Variants in GALNT2 observed in about 807,000 individuals in gnomAD.
GALNT2 encodes polypeptide N-acetylgalactosaminyltransferase 2, also known as UDP-GalNAc:polypeptide N-acetylgalactosaminyltransferase 2.
Under a neutral mutation model 81.4 loss-of-function variants are expected in GALNT2, and 31 were observed. The ratio of observed to expected loss-of-function variants is 0.38; its 90% CI spans 0.29 to 0.51. The LOEUF (loss-of-function observed/expected upper bound fraction) is 0.51, where lower values mean the gene tolerates loss of function less well. GALNT2 is among the 20% of genes least tolerant of loss of function. GALNT2 has a pLI of 0.87. For synonymous variants in GALNT2, 303 were observed against 287.4 expected, an observed-to-expected ratio of 1.05 and a Z score of -0.55; for missense variants, 629 against 765.7, an observed-to-expected ratio of 0.82 and a Z score of 2.11.
chr1:230,255,121 G>T (rs1665667366), intron 10 of GALNT2, 97 bp from the exon 11 acceptor site: 1 of 1,555,906 alleles, frequency 6.4e-7, no homozygotes, highest in East Asian at 2.3e-5. Flanking sequence ...CCCATGATGG[G>T]ATGGTCAGGG....
At chr1:230,072,347 G>A (rs145139414) in intron 1 of GALNT2, among the ~76,000 whole-genome samples, 69 of 149,356 alleles carry the variant, frequency 4.6e-4, no homozygotes, top group African/African-American at 1.7e-3. Context: ...CTTAGTGAAA[G>A]CAGGTGTGGT....
chr1:230,262,734 C>T (rs1019533400), intron 12 of GALNT2, 69 bp downstream of exon 12: 2 of 1,454,086 alleles, frequency 1.4e-6, no homozygotes, highest in African/African-American at 1.4e-5. Context: ...AGGTAAGGGG[C>T]TGCCCCCAGC....
At chr1:230,213,899 C>A (rs1664307237) in intron 3 of GALNT2, among the ~76,000 whole-genome samples, 1 of 152,094 alleles carries the variant, frequency 6.6e-6, no homozygotes, top group African/African-American at 2.4e-5. Flanking sequence ...TTAATTCTTT[C>A]TTTATAAACT....
At chr1:230,134,999 T>C (rs1407889447) in intron 1 of GALNT2, among the ~76,000 whole-genome samples, 2 of 152,252 alleles carry the variant, frequency 1.3e-5, no homozygotes, top group African/African-American at 2.4e-5. Flanking sequence ...AGAGGAAGTA[T>C]CTGAGAGTGT....
At chr1:230,190,513 T>C (rs763521936) in intron 2 of GALNT2, among the ~76,000 whole-genome samples, 7 of 152,208 alleles carry the variant, frequency 4.6e-5, no homozygotes, top group Non-Finnish European at 8.8e-5. Flanking sequence ...CTATGAAAAT[T>C]CAGGTCATCC....
At chr1:230,161,146 C>T (rs1259607788) in intron 1 of GALNT2, among the ~76,000 whole-genome samples, 4 of 152,204 alleles carry the variant, frequency 2.6e-5, no homozygotes, top group Non-Finnish European at 4.4e-5. Context: ...ACTGTCTGGG[C>T]GGTCCTTTTG....
chr1:230,250,658 C>T, intron 10 of GALNT2, 98 bp downstream of exon 10: 1 of 754,184 alleles, frequency 1.3e-6, no homozygotes, highest in South Asian at 1.9e-5. Flanking sequence ...TTCAGAGTGA[C>T]CATTCACTGG....
upstream of GALNT2, among the ~76,000 whole-genome samples, chr1:230,064,680 T>A (rs572557604): frequency 4.6e-5 from 7 of 152,068 alleles, no homozygotes; most frequent in Non-Finnish European, 1.0e-4. Flanking sequence ...GCCGGCTAAG[T>A]TTCATATTTT....
intron 1 of GALNT2, among the ~76,000 whole-genome samples, chr1:230,078,168 C>T (rs1228014160): frequency 2.6e-5 from 4 of 152,142 alleles, no homozygotes; most frequent in African/African-American, 4.8e-5. Flanking sequence ...TTCATATCTG[C>T]GGGTTGCACA....
intron 10 of GALNT2, among the ~76,000 whole-genome samples, chr1:230,252,343 C>A (rs917641253): frequency 6.6e-6 from 1 of 152,150 alleles, no homozygotes; most frequent in Admixed American, 6.5e-5. Flanking sequence ...TTCCCATTTT[C>A]CTAATCATGT....
chr1:230,123,526 C>CACAGCTAAGTTTAA (rs1661087507), intron 1 of GALNT2, among the ~76,000 whole-genome samples: 1 of 152,100 alleles, frequency 6.6e-6, no homozygotes, highest in Non-Finnish European at 1.5e-5. Flanking sequence ...GTGTTGCCCG[C>CACAGCTAAGTTTAA]ACAGCTAAGT....
chr1:230,236,056 C>T lies in GALNT2; in HGVS notation c.417C>T (p.Ser139=), dbSNP rs1403858758. 3.1e-6 allele frequency: 5 copies of T among 1,613,872 alleles called. No homozygotes were observed. The highest frequency in any genetic ancestry group is 3.4e-6 in the Non-Finnish European group (4 of 1,179,982). The part of the protein sequence containing the change: ...KQWRVDLPAT[S]VVITFHNEAR... ...GGCGGGTGGATCTGCCGGCCACCAG[C>T]GTGGTGATCACGTTTCACAATGAAG... The change falls in exon 4 of 16, where the codon AGC becomes AGT. Residue 139 remains serine, a synonymous_variant. Transcript: ENST00000366672.
intron 6 of GALNT2, among the ~76,000 whole-genome samples, chr1:230,240,009 C>T (rs553065529): frequency 6.6e-6 from 1 of 152,162 alleles, no homozygotes. Context: ...ACATCTTAAA[C>T]CCCACAATAC....
At chr1:230,241,685 G>A (rs1157277020) in intron 6 of GALNT2, among the ~76,000 whole-genome samples, 1 of 151,954 alleles carries the variant, frequency 6.6e-6, no homozygotes, top group East Asian at 1.9e-4. Flanking sequence ...GACCTCAGGT[G>A]ATCTGCCCAC....
At chr1:230,078,272 C>T (rs1178955345) in intron 1 of GALNT2, among the ~76,000 whole-genome samples, 1 of 151,960 alleles carries the variant, frequency 6.6e-6, no homozygotes, top group East Asian at 1.9e-4. Context: ...TACAATGTGT[C>T]GTATTTGGGG....
At chr1:230,260,161 C>A (rs1385011250) in intron 11 of GALNT2, among the ~76,000 whole-genome samples, 1 of 152,174 alleles carries the variant, frequency 6.6e-6, no homozygotes, top group Non-Finnish European at 1.5e-5. Flanking sequence ...TAGGGATGCC[C>A]AACTTGTAAT....
At chr1:230,213,811 T>C (rs943111460) in intron 3 of GALNT2, among the ~76,000 whole-genome samples, 1 of 152,244 alleles carries the variant, frequency 6.6e-6, no homozygotes, top group African/African-American at 2.4e-5. Context: ...TTTTATTACT[T>C]CTTAGACAAT....
chr1:230,234,055 G>A lies in GALNT2; in HGVS notation c.375-1959G>A, dbSNP rs185382524. Among the ~76,000 whole-genome samples the A allele has an allele frequency of 1.8e-4, 28 of 152,304 alleles. No individual in the cohort carries two copies. In the East Asian group the frequency reaches 5.0e-3, roughly 27 times the overall value. On this transcript the variant is annotated intron_variant, in intron 3 of 15. Transcript: ENST00000366672. ...TATCATGCAGATAAATCTCTCAGGT[G>A]ACAGCCTTTAGAAGAATAATTGAAA... is the stretch of plus-strand genomic sequence containing the variant.
At chr1:230,152,288 C>A (rs570962654) in intron 1 of GALNT2, among the ~76,000 whole-genome samples, 22 of 152,240 alleles carry the variant, frequency 1.4e-4, no homozygotes, top group African/African-American at 5.3e-4. Context: ...TTCTTTGAAT[C>A]CCCAGTCGGG....
Sources: allele counts gnomAD v4.1 joint callset (sites outside exome capture counted in the v4.1 genomes callset), GRCh38; gene constraint gnomAD v4.1.1; transcripts MANE v1.5; gene names NCBI Gene and HGNC (gene_info 2026-07-23, HGNC 2026-07-21).